Variants in THSD4 observed in about 807,000 individuals in gnomAD.
THSD4 encodes thrombospondin type-1 domain-containing protein 4.
A neutral mutation model predicts 119.0 loss-of-function variants in THSD4; 69 were observed. The observed-to-expected ratio is 0.58, with a 90% CI of 0.48 to 0.71. The LOEUF (loss-of-function observed/expected upper bound fraction) is 0.71, where lower values mean the gene tolerates loss of function less well. Ranked by LOEUF, THSD4 falls within the 30% of genes least tolerant of loss-of-function variation. The pLI is 0.00. For synonymous variants in THSD4, 524 were observed against 540.4 expected (o/e 0.97, Z 0.42); for missense variants, 1,393 against 1,391.1 (o/e 1.00, Z -0.02).
intron 7 of THSD4, among the ~76,000 whole-genome samples, chr15:71,576,654 C>T (rs2049452948): frequency 6.6e-6 from 1 of 152,200 alleles, no homozygotes. Flanking sequence ...AAAACTCTGC[C>T]TCCTGAATTC....
At chr15:71,119,911 C>A (rs552542039) in intron 1 of THSD4, among the ~76,000 whole-genome samples, 1 of 152,322 alleles carries the variant, frequency 6.6e-6, no homozygotes, top group East Asian at 1.9e-4. Flanking sequence ...TGGCCAAAGT[C>A]TGGAGGGCTG....
chr15:71,487,953 G>A (rs2047848486), intron 7 of THSD4, among the ~76,000 whole-genome samples: 1 of 151,924 alleles, frequency 6.6e-6, no homozygotes, highest in Non-Finnish European at 1.5e-5. Flanking sequence ...CATATCACCT[G>A]CAAGTAATGA....
chr15:71,413,267 C>G (rs2046714687), intron 7 of THSD4, among the ~76,000 whole-genome samples: 1 of 152,230 alleles, frequency 6.6e-6, no homozygotes, highest in African/African-American at 2.4e-5. Flanking sequence ...CCTGCCTTGG[C>G]CTCCTAAAGT....
intron 7 of THSD4, among the ~76,000 whole-genome samples, chr15:71,497,304 G>A (rs113056702): frequency 0.014 from 2,091 of 152,258 alleles, 15 homozygotes; most frequent in Middle Eastern, 0.051. Context: ...CTTGAGGTCA[G>A]GAGTTCGAGA....
intron 7 of THSD4, among the ~76,000 whole-genome samples, chr15:71,570,064 C>T (rs551071768): frequency 3.3e-5 from 5 of 152,158 alleles, no homozygotes; most frequent in East Asian, 3.9e-4. Flanking sequence ...TAAAATAAAG[C>T]GGATAAAATA....
chr15:71,299,977 ATATATAT>A (rs1312051586), intron 6 of THSD4, among the ~76,000 whole-genome samples: 6 of 32,490 alleles, frequency 1.8e-4, no homozygotes, highest in South Asian at 2.4e-3. Flanking sequence ...AAAAAAAAAA[ATATATAT>A]ATATATATAT....
intron 7 of THSD4, among the ~76,000 whole-genome samples, chr15:71,413,213 A>G (rs757148610): frequency 1.3e-5 from 2 of 152,156 alleles, no homozygotes; most frequent in Non-Finnish European, 2.9e-5. Flanking sequence ...GGGTTTCACC[A>G]TGTTGGCCAG....
chr15:71,485,150 T>A (rs188662507), intron 7 of THSD4, among the ~76,000 whole-genome samples: 70 of 152,348 alleles, frequency 4.6e-4, no homozygotes, highest in African/African-American at 1.6e-3. Context: ...TCCTCATTAA[T>A]GCTGATGGCT....
chr15:71,120,708 C>T (rs758989192), intron 1 of THSD4, among the ~76,000 whole-genome samples: 9 of 152,118 alleles, frequency 5.9e-5, no homozygotes, highest in African/African-American at 2.2e-4. Flanking sequence ...GCTGGGAGCT[C>T]GTCATGACCT....
At chr15:71,700,001 G>A (rs563473646) in intron 8 of THSD4, among the ~76,000 whole-genome samples, 2 of 152,216 alleles carry the variant, frequency 1.3e-5, no homozygotes, top group South Asian at 4.2e-4. Context: ...GAATTCAGTA[G>A]TATTCATCAT....
chr15:71,128,085 A>T (rs1398049211), intron 1 of THSD4, among the ~76,000 whole-genome samples: 1 of 152,212 alleles, frequency 6.6e-6, no homozygotes, highest in African/African-American at 2.4e-5. Flanking sequence ...ATGGAAAAAT[A>T]TAATAACAAA....
At position 71,294,973 on chromosome 15, in the gene THSD4, A is replaced by G. The variant is rs77649921; in HGVS notation, c.1015+38258A>G. 7.4e-5 allele frequency among the ~76,000 whole-genome samples: 11 copies of G among 149,110 alleles called. No homozygotes were observed. In the East Asian group the frequency reaches 2.2e-3, roughly 30 times the overall value. On this transcript the variant is annotated intron_variant, in intron 6 of 17. Transcript: ENST00000261862. ...CTTGTTTCCACCTTTCCAGAGTTTTATGGCACCTGGGAACTGGGATCAAGC... is the reference window on the plus strand; with the variant it reads ...CTTGTTTCCACCTTTCCAGAGTTTTGTGGCACCTGGGAACTGGGATCAAGC...
chr15:71,452,132 G>A (rs2047273781), intron 7 of THSD4, among the ~76,000 whole-genome samples: 1 of 152,130 alleles, frequency 6.6e-6, no homozygotes, highest in South Asian at 2.1e-4. Context: ...TCCACCTCAT[G>A]CCTAACCACC....
intron 8 of THSD4, among the ~76,000 whole-genome samples, chr15:71,726,897 A>G (rs568749416): frequency 1.3e-5 from 2 of 151,826 alleles, no homozygotes; most frequent in Admixed American, 1.3e-4. Flanking sequence ...AGATCGCACC[A>G]TTGCACTCCG....
intron 8 of THSD4, among the ~76,000 whole-genome samples, chr15:71,680,578 C>T (rs890189761): frequency 2.0e-5 from 3 of 152,192 alleles, no homozygotes; most frequent in South Asian, 4.1e-4. Flanking sequence ...CTTACAAAAT[C>T]GTGCATGGCT....
chr15:71,506,908 A>T (rs2048198564), intron 7 of THSD4, among the ~76,000 whole-genome samples: 1 of 152,236 alleles, frequency 6.6e-6, no homozygotes, highest in South Asian at 2.1e-4. Context: ...TCAGTGTGCC[A>T]TGCAAGTTAG....
At position 71,757,836 on chromosome 15, in the gene THSD4, C is replaced by T. The variant is rs775886725; in HGVS notation, c.2416-66C>T. The T allele has an allele frequency of 6.9e-6, 11 of 1,589,804 alleles. No individual in the cohort carries two copies. In the African/African-American group the frequency reaches 9.4e-5, roughly 14 times the overall value. On this transcript the variant is annotated intron_variant, in intron 14 of 17. Coordinates refer to ENST00000261862, the MANE Select transcript of THSD4 (RefSeq NM_024817.3). Reference sequence around the variant, plus strand: ...TGAAGCATTCCATCCTCCTTTCCATCATTTGAAAGTGGCTTCAGCAGCTGC... The same window carrying T: ...TGAAGCATTCCATCCTCCTTTCCATTATTTGAAAGTGGCTTCAGCAGCTGC...
chr15:71,729,489 G>A (rs1008265754), intron 9 of THSD4: 2 of 152,162 alleles, frequency 1.3e-5, no homozygotes, highest in Non-Finnish European at 2.9e-5. Flanking sequence ...CATATTTGCT[G>A]TGTCAGAGTT....
intron 7 of THSD4, among the ~76,000 whole-genome samples, chr15:71,579,720 C>T (rs2049521855): frequency 6.6e-6 from 1 of 152,106 alleles, no homozygotes; most frequent in Non-Finnish European, 1.5e-5. Flanking sequence ...TTATAGCTTT[C>T]AAAATATTGG....
Sources: gnomAD v4.1 joint callset for allele counts (sites outside exome capture counted in the v4.1 genomes callset) on GRCh38, gnomAD v4.1.1 for gene constraint, MANE v1.5 for transcripts, NCBI Gene and HGNC (gene_info 2026-07-23, HGNC 2026-07-21) for gene names.